Variants in DRC11 observed in about 807,000 individuals in gnomAD.
DRC11 encodes IQ and AAA domain-containing protein 1.
chr2:236,355,193 C>G, the DRC11 span, among the ~76,000 whole-genome samples: 3 of 152,182 alleles, frequency 2.0e-5, no homozygotes, highest in African/African-American at 7.2e-5. Flanking sequence ...GCCGGCATCC[C>G]CACCCACAGT....
the DRC11 span, among the ~76,000 whole-genome samples, chr2:236,315,632 A>G: frequency 6.6e-6 from 1 of 152,246 alleles, no homozygotes; most frequent in African/African-American, 2.4e-5. This position sits in a 1 kb window ranked among gnomAD's most constrained non-coding sequence, Gnocchi z 5.1. Context: ...GATTGGATAA[A>G]GAAAATGTGG....
At chr2:236,361,489 T>C in the DRC11 span, among the ~76,000 whole-genome samples, 1 of 152,026 alleles carries the variant, frequency 6.6e-6, no homozygotes, top group East Asian at 1.9e-4. The surrounding 1 kb of genome is among the most constrained non-coding windows in gnomAD (Gnocchi z 5.7). Context: ...TATTGTGGTA[T>C]ATATAACATT....
chr2:236,380,456 G>T, the DRC11 span: 1 of 817,584 alleles, frequency 1.2e-6, no homozygotes, highest in East Asian at 2.7e-5. This position sits in a 1 kb window ranked among gnomAD's most constrained non-coding sequence, Gnocchi z 4.9. Context: ...ACCACTCCGG[G>T]ACTGTGGAGG....
the DRC11 span, chr2:236,324,550 CT>C: frequency 1.7e-6 from 1 of 602,756 alleles, no homozygotes; most frequent in Non-Finnish European, 2.9e-6. The surrounding 1 kb of genome is among the most constrained non-coding windows in gnomAD (Gnocchi z 5.7). Flanking sequence ...TGCTAAGTTC[CT>C]TCCCCTGAGG....
the DRC11 span, among the ~76,000 whole-genome samples, chr2:236,375,430 A>G: frequency 3.3e-5 from 5 of 152,260 alleles, no homozygotes; most frequent in Non-Finnish European, 5.9e-5. This position sits in a 1 kb window ranked among gnomAD's most constrained non-coding sequence, Gnocchi z 4.2. Context: ...TGTTAAAAAC[A>G]GCCATTTTAA....
the DRC11 span, chr2:236,408,775 G>A: frequency 3.0e-6 from 2 of 673,256 alleles, no homozygotes; most frequent in African/African-American, 3.6e-5. The surrounding 1 kb of genome is among the most constrained non-coding windows in gnomAD (Gnocchi z 5.5). Flanking sequence ...TTGAAGGTCT[G>A]GAGGCCTTGA....
At chr2:236,315,331 G>A in the DRC11 span, among the ~76,000 whole-genome samples, 5 of 152,130 alleles carry the variant, frequency 3.3e-5, no homozygotes, top group Admixed American at 1.3e-4. This position sits in a 1 kb window ranked among gnomAD's most constrained non-coding sequence, Gnocchi z 5.1. Context: ...TAAACTCGCA[G>A]ATATAAATGT....
the DRC11 span, chr2:236,391,916 C>T: frequency 1.4e-6 from 2 of 1,432,454 alleles, no homozygotes; most frequent in Non-Finnish European, 2.0e-6. The surrounding 1 kb of genome is among the most constrained non-coding windows in gnomAD (Gnocchi z 4.5). Context: ...ATGTCAGGGG[C>T]TGCTTTTCAT....
At chr2:236,324,192 C>T in the DRC11 span, 1 of 152,284 alleles carries the variant, frequency 6.6e-6, no homozygotes, top group Non-Finnish European at 1.5e-5. The surrounding 1 kb of genome is among the most constrained non-coding windows in gnomAD (Gnocchi z 5.7). Context: ...AAATCTATTA[C>T]TAGAGCAAAG....
chr2:236,491,020 T>C, the DRC11 span, among the ~76,000 whole-genome samples: 3 of 143,912 alleles, frequency 2.1e-5, no homozygotes, highest in Non-Finnish European at 3.0e-5. Context: ...TATATGTGTA[T>C]ATATATGTGT....
the DRC11 span, among the ~76,000 whole-genome samples, chr2:236,490,678 A>ACT: frequency 6.6e-6 from 1 of 152,000 alleles, no homozygotes; most frequent in South Asian, 2.1e-4. This position sits in a 1 kb window ranked among gnomAD's most constrained non-coding sequence, Gnocchi z 5.5. Flanking sequence ...TGAGTAGGGA[A>ACT]CTCAACATGT....
the DRC11 span, among the ~76,000 whole-genome samples, chr2:236,473,990 A>T: frequency 1.3e-5 from 2 of 152,230 alleles, no homozygotes; most frequent in African/African-American, 4.8e-5. This position sits in a 1 kb window ranked among gnomAD's most constrained non-coding sequence, Gnocchi z 4.8. Context: ...TGAAATCATA[A>T]AAAATAAATT....
chr2:236,491,248 A>ATATATATATATATATATATACACAG, the DRC11 span, among the ~76,000 whole-genome samples: 6 of 59,436 alleles, frequency 1.0e-4, no homozygotes, highest in Non-Finnish European at 1.8e-4. Context: ...TATACACAGT[A>ATATATATATATATATATATACACAG]TATATATATA....
chr2:236,457,149 T>C, the DRC11 span, among the ~76,000 whole-genome samples: 1 of 152,204 alleles, frequency 6.6e-6, no homozygotes, highest in Non-Finnish European at 1.5e-5. This position sits in a 1 kb window ranked among gnomAD's most constrained non-coding sequence, Gnocchi z 4.7. Context: ...GAAATACCAA[T>C]CAGAGCAAGA....
At chr2:236,325,016 C>G in the DRC11 span, among the ~76,000 whole-genome samples, 1 of 152,156 alleles carries the variant, frequency 6.6e-6, no homozygotes, top group Non-Finnish European at 1.5e-5. The surrounding 1 kb of genome is among the most constrained non-coding windows in gnomAD (Gnocchi z 4.4). Flanking sequence ...AGGGAGTTAA[C>G]AATTTCAGAG....
the DRC11 span, chr2:236,507,306 G>A: frequency 1.2e-6 from 2 of 1,613,480 alleles, no homozygotes; most frequent in South Asian, 2.2e-5. Context: ...CCTCCGGGAA[G>A]CTCTTCCGTT....
chr2:236,490,844 T>A, the DRC11 span, among the ~76,000 whole-genome samples: 2 of 151,236 alleles, frequency 1.3e-5, no homozygotes, highest in Non-Finnish European at 2.9e-5. This position sits in a 1 kb window ranked among gnomAD's most constrained non-coding sequence, Gnocchi z 5.5. Context: ...CATATATACA[T>A]GTCTCATAAG....
At chr2:236,383,046 T>G in the DRC11 span, among the ~76,000 whole-genome samples, 1 of 152,174 alleles carries the variant, frequency 6.6e-6, no homozygotes, top group Non-Finnish European at 1.5e-5. Context: ...CGAAGTTTAT[T>G]AGGTTTCCAC....
At chr2:236,329,785 A>C in the DRC11 span, among the ~76,000 whole-genome samples, 1 of 152,244 alleles carries the variant, frequency 6.6e-6, no homozygotes, top group African/African-American at 2.4e-5. Flanking sequence ...AATGATGGCA[A>C]AATGATGCAG....
Sources: gnomAD v4.1 joint callset for allele counts (sites outside exome capture counted in the v4.1 genomes callset) on GRCh38, gnomAD v4.1.1 for gene constraint, Gnocchi (gnomAD v3.1) non-coding constraint, MANE v1.5 for transcripts, NCBI Gene and HGNC (gene_info 2026-07-23, HGNC 2026-07-21) for gene names.